SORCS3: variants seen among roughly 807,000 people sequenced by gnomAD.
SORCS3 encodes the protein VPS10 domain-containing receptor SorCS3.
In SORCS3, 57 loss-of-function variants were observed where a neutral mutation model predicts 146.3. That is an observed-to-expected ratio of 0.39 (90% confidence interval 0.31 to 0.49). The LOEUF (loss-of-function observed/expected upper bound fraction) is 0.49, where lower values mean the gene tolerates loss of function less well. Among genes scored for constraint, SORCS3 ranks in the 20% least tolerant of loss-of-function variants. SORCS3 has a pLI of 0.92. For synonymous variants in SORCS3, 653 were observed against 618.5 expected (o/e 1.06, Z -0.83); for missense variants, 1,341 against 1,575.5 (o/e 0.85, Z 2.52).
Position 104,891,012 on chromosome 10 carries a change from G to A in SORCS3, c.696-24821G>A, listed in dbSNP as rs555617263. ...GATACTGTGATTTTTATCTTATTGGGTGCTGGATATTTTAAAATTCCTGTA... is the reference window on the plus strand; with the variant it reads ...GATACTGTGATTTTTATCTTATTGGATGCTGGATATTTTAAAATTCCTGTA... On this transcript the variant is annotated intron_variant, in intron 2 of 26. Coordinates refer to ENST00000369701, the MANE Select transcript of SORCS3 (RefSeq NM_014978.3). Among the ~76,000 whole-genome samples the A allele has an allele frequency of 2.6e-5, 4 of 152,254 alleles. No individual in the cohort carries two copies. In the South Asian group the frequency reaches 8.3e-4, roughly 32 times the overall value.
At chr10:104,730,149 G>A (rs566539807) in intron 1 of SORCS3, among the ~76,000 whole-genome samples, 16 of 152,328 alleles carry the variant, frequency 1.1e-4, no homozygotes, top group Admixed American at 3.9e-4. Flanking sequence ...AAGAGTGGAC[G>A]TCAGAGCATG....
At chr10:104,941,009 T>G (rs1385156759) in intron 3 of SORCS3, among the ~76,000 whole-genome samples, 3 of 152,198 alleles carry the variant, frequency 2.0e-5, no homozygotes, top group African/African-American at 7.2e-5. Flanking sequence ...TTCGATCATA[T>G]AGGGTAACTT....
At chr10:104,927,624 A>T (rs902817220) in intron 3 of SORCS3, among the ~76,000 whole-genome samples, 1 of 152,182 alleles carries the variant, frequency 6.6e-6, no homozygotes, top group African/African-American at 2.4e-5. Context: ...CACACCTGTA[A>T]TCCCAGCACT....
intron 2 of SORCS3, among the ~76,000 whole-genome samples, chr10:104,851,740 C>T (rs2018276222): frequency 6.6e-6 from 1 of 152,074 alleles, no homozygotes; most frequent in African/African-American, 2.4e-5. Flanking sequence ...TTTGATATAC[C>T]CCATTCCTGC....
At position 104,707,214 on chromosome 10, in the gene SORCS3, A is replaced by T. The variant is rs541906250; in HGVS notation, c.627+65260A>T. On this transcript the variant is annotated intron_variant, in intron 1 of 26. Transcript: ENST00000369701. Reference sequence around the variant, plus strand: ...TCTGGCTCTGCTACTTACTAGCTGTATATCTAGGCAACTTACCTTAGTGTT... The same window carrying T: ...TCTGGCTCTGCTACTTACTAGCTGTTTATCTAGGCAACTTACCTTAGTGTT... Among the ~76,000 whole-genome samples, 6 of 152,320 alleles carry T rather than the reference A, an allele frequency of 3.9e-5. No individual in the cohort carries two copies. In the East Asian group the frequency reaches 1.2e-3, roughly 29 times the overall value.
chr10:105,247,439 A>C, intron 22 of SORCS3, 108 bp downstream of exon 22: 1 of 581,954 alleles, frequency 1.7e-6, no homozygotes, highest in Non-Finnish European at 3.0e-6. Flanking sequence ...ACAGTTAAAG[A>C]TTATTTCTCT....
intron 1 of SORCS3, among the ~76,000 whole-genome samples, chr10:104,738,717 C>G (rs1161157527): frequency 1.1e-4 from 17 of 152,150 alleles, no homozygotes; most frequent in Admixed American, 1.1e-3. Flanking sequence ...AAATGGCTTT[C>G]AGGTCACAGA....
chr10:104,684,779 G>GTTTT (rs764055039), intron 1 of SORCS3, among the ~76,000 whole-genome samples: 2 of 81,576 alleles, frequency 2.5e-5, no homozygotes, highest in Non-Finnish European at 4.6e-5. Flanking sequence ...AGTCCTCAGT[G>GTTTT]TTTTTTTTTT....
chr10:104,900,592 G>A (rs1294481025), intron 2 of SORCS3, among the ~76,000 whole-genome samples: 18 of 152,062 alleles, frequency 1.2e-4, no homozygotes, highest in Non-Finnish European at 4.4e-5. Context: ...TCTTATGCCC[G>A]TGTAAGAACA....
chr10:105,154,097 C>A (rs1013572038), intron 9 of SORCS3, among the ~76,000 whole-genome samples: 1 of 118,620 alleles, frequency 8.4e-6, no homozygotes, highest in East Asian at 2.1e-4. Context: ...AAGAAACTTC[C>A]CATCCAGCCT....
intron 1 of SORCS3, among the ~76,000 whole-genome samples, chr10:104,773,090 A>G (rs1373793526): frequency 6.6e-6 from 1 of 152,232 alleles, no homozygotes; most frequent in East Asian, 1.9e-4. Context: ...AGCAGCATTT[A>G]ACATGAGCAT....
At chr10:105,043,279 C>T in intron 5 of SORCS3, 151 bp downstream of exon 5, 1 of 672,934 alleles carries the variant, frequency 1.5e-6, no homozygotes, top group Non-Finnish European at 2.6e-6. Flanking sequence ...GCAGCATCAG[C>T]ATCACCTGGG....
intron 13 of SORCS3, among the ~76,000 whole-genome samples, chr10:105,175,823 G>A (rs1401411646): frequency 6.6e-6 from 1 of 152,172 alleles, no homozygotes; most frequent in Non-Finnish European, 1.5e-5. Context: ...CAGACTGTCT[G>A]CATTTCATTC....
intron 1 of SORCS3, among the ~76,000 whole-genome samples, chr10:104,782,016 G>C (rs757612393): frequency 2.6e-5 from 4 of 152,226 alleles, no homozygotes; most frequent in Non-Finnish European, 4.4e-5. Flanking sequence ...GTGTATGTGT[G>C]TGTGTTTTGG....
At chr10:104,995,308 C>A (rs528544617) in intron 4 of SORCS3, among the ~76,000 whole-genome samples, 2 of 151,782 alleles carry the variant, frequency 1.3e-5, no homozygotes, top group African/African-American at 2.4e-5. Flanking sequence ...CACAGGTGCA[C>A]GCCACCATGA....
intron 21 of SORCS3, 70 bp downstream of exon 21, chr10:105,245,735 A>C (rs2056861885): frequency 1.3e-6 from 2 of 1,537,040 alleles, no homozygotes; most frequent in Admixed American, 2.0e-5. Context: ...CTCTCCCTAC[A>C]ATCATTGAGT....
At position 105,186,291 on chromosome 10, in the gene SORCS3, ATTTGT is replaced by A. The variant is rs959314742; in HGVS notation, c.2009+8120_2009+8124del. On this transcript the variant is annotated intron_variant, in intron 14 of 26. Coordinates refer to ENST00000369701, the MANE Select transcript of SORCS3 (RefSeq NM_014978.3). Reference sequence around the variant, plus strand: ...TGCAGATAGAATGCCAGGGCTTTTTATTTGTTCTGTAAGATTGAGGAGGCTTGCAA... The same window carrying A: ...TGCAGATAGAATGCCAGGGCTTTTTATCTGTAAGATTGAGGAGGCTTGCAA... 2.9e-4 allele frequency among the ~76,000 whole-genome samples: 44 copies of A among 152,062 alleles called. 2 individuals are homozygous for A. The highest frequency in any genetic ancestry group is 1.0e-3 in the African/African-American group (42 of 41,410).
At chr10:105,192,545 C>T (rs72817786) in intron 14 of SORCS3, among the ~76,000 whole-genome samples, 11,875 of 152,076 alleles carry the variant, frequency 0.078, 660 homozygotes, top group Admixed American at 0.15. Context: ...GTTAGAAGAA[C>T]TCGAGTTGCA....
At chr10:105,188,983 G>T (rs938813444) in intron 14 of SORCS3, among the ~76,000 whole-genome samples, 4 of 152,202 alleles carry the variant, frequency 2.6e-5, no homozygotes, top group African/African-American at 9.6e-5. Flanking sequence ...TTTGCTTAGA[G>T]GAATGAGAAA....
Sources: allele counts gnomAD v4.1 joint callset (sites outside exome capture counted in the v4.1 genomes callset), GRCh38; gene constraint gnomAD v4.1.1; transcripts MANE v1.5; gene names NCBI Gene and HGNC (gene_info 2026-07-23, HGNC 2026-07-21).